RPS6KA3: variants seen among roughly 807,000 people sequenced by gnomAD.
The protein encoded by RPS6KA3 is ribosomal protein S6 kinase alpha-3.
In RPS6KA3, 4 loss-of-function variants were observed where a neutral mutation model predicts 67.2. The ratio of observed to expected loss-of-function variants is 0.06; its 90% CI spans 0.03 to 0.14. RPS6KA3 has a LOEUF of 0.14. Ranked by LOEUF, RPS6KA3 falls within the 10% of genes least tolerant of loss-of-function variation. The pLI is 1.00. For synonymous variants in RPS6KA3, 182 were observed against 183.7 expected, an observed-to-expected ratio of 0.99 and a Z score of 0.07; for missense variants, 204 against 559.0, an observed-to-expected ratio of 0.36 and a Z score of 6.40.
chrX:20,156,343 T>C, intron 20 of RPS6KA3, 94 bp from the exon 21 acceptor site: 1 of 919,353 alleles, frequency 1.1e-6, no homozygotes, highest in Non-Finnish European at 1.6e-6. Context: ...TTAGCTTCTG[T>C]GATACTGCTT....
intron 2 of RPS6KA3, among the ~76,000 whole-genome samples, chrX:20,216,869 G>A (rs1019426805): frequency 8.9e-6 from 1 of 111,793 alleles, no homozygotes; most frequent in Non-Finnish European, 1.9e-5. Context: ...CAGTGAAAAT[G>A]TTTCTGATCT....
chrX:20,266,747 GGCAGCGGCA>G lies in RPS6KA3; in HGVS notation c.-124_-116del. ...CAGCGGCGGCGGCGGCGGCGGCGGCGGCAGCGGCAGCGGCAGCGGCAGCAGCAGCAGCAG... is the reference window on the plus strand; with the variant it reads ...CAGCGGCGGCGGCGGCGGCGGCGGCGGCGGCAGCGGCAGCAGCAGCAGCAG... On this transcript the variant is annotated 5_prime_UTR_variant, in exon 1 of 22. Transcript: ENST00000379565. 4.8e-5 allele frequency: 1 copy of G among 20,669 alleles called. No homozygotes were observed. Among genetic ancestry groups the G allele is most frequent in the Non-Finnish European group, 5.5e-5 (1 of 18,141 alleles). 1.7% of individuals were successfully genotyped at this position (20,669 alleles called of 1,213,427 possible).
At chrX:20,186,422 C>T in intron 9 of RPS6KA3, 56 bp from the exon 10 acceptor site, 2 of 710,951 alleles carry the variant, frequency 2.8e-6, no homozygotes, top group Non-Finnish European at 4.4e-6. Flanking sequence ...AATCTGAAGG[C>T]CAGAAGGTAA....
rs745967937 is a variant in RPS6KA3 at position 20,251,452 on chromosome X, CG to C, written c.69+15111del. On this transcript the variant is annotated intron_variant, in intron 1 of 21. Coordinates refer to ENST00000379565, the MANE Select transcript of RPS6KA3 (RefSeq NM_004586.3). ...CCCCTCAAAGTGCTGGGATTACAGGCGTAAGTCTCCCAAAGTGCTGGGATTA... is the reference window on the plus strand; with the variant it reads ...CCCCTCAAAGTGCTGGGATTACAGGCTAAGTCTCCCAAAGTGCTGGGATTA... Among the ~76,000 whole-genome samples, 110 of 112,878 alleles carry C rather than the reference CG, an allele frequency of 9.7e-4. 1 individual carries two copies. The highest frequency in any genetic ancestry group is 4.6e-3 in the Middle Eastern group (1 of 219).
At chrX:20,211,092 A>T (rs886677949) in intron 2 of RPS6KA3, among the ~76,000 whole-genome samples, 1 of 111,073 alleles carries the variant, frequency 9.0e-6, no homozygotes, top group South Asian at 3.8e-4. Context: ...AGCACCTACT[A>T]CATATCAACC....
At chrX:20,263,277 T>C (rs767625206) in intron 1 of RPS6KA3, among the ~76,000 whole-genome samples, 4 of 112,083 alleles carry the variant, frequency 3.6e-5, no homozygotes, top group South Asian at 7.3e-4. Flanking sequence ...CTAAATGCTG[T>C]CTCTGACAGC....
intron 18 of RPS6KA3, among the ~76,000 whole-genome samples, chrX:20,164,386 GTTTTTTT>G (rs397977193): frequency 1.2e-5 from 1 of 84,637 alleles, no homozygotes; most frequent in Non-Finnish European, 2.4e-5. Flanking sequence ...CTGAAGGGTT[GTTTTTTT>G]TTTTTTTTTT....
At chrX:20,169,869 C>A (rs913832177) in intron 15 of RPS6KA3, among the ~76,000 whole-genome samples, 10 of 111,055 alleles carry the variant, frequency 9.0e-5, no homozygotes, top group African/African-American at 3.4e-4. Context: ...CAACTTCTAA[C>A]CCCCCATCAA....
At chrX:20,266,469 C>G (rs757650348) in intron 1 of RPS6KA3, 95 bp downstream of exon 1, 2 of 726,475 alleles carry the variant, frequency 2.8e-6, no homozygotes, top group African/African-American at 4.3e-5. Context: ...CGAGCGGGAT[C>G]AGAACGGGCC....
chrX:20,157,232 T>C (rs2067207089), intron 20 of RPS6KA3, among the ~76,000 whole-genome samples: 1 of 112,322 alleles, frequency 8.9e-6, no homozygotes, highest in South Asian at 3.6e-4. Flanking sequence ...TCAAAATACA[T>C]TTGTTAAGTA....
intron 2 of RPS6KA3, among the ~76,000 whole-genome samples, chrX:20,228,541 C>G (rs2069179605): frequency 9.0e-6 from 1 of 111,286 alleles, no homozygotes; most frequent in South Asian, 3.8e-4. Flanking sequence ...AAGTATACAG[C>G]TTCTCTGGTT....
intron 16 of RPS6KA3, among the ~76,000 whole-genome samples, chrX:20,168,172 T>C (rs756106457): frequency 1.8e-5 from 2 of 112,088 alleles, no homozygotes; most frequent in African/African-American, 6.5e-5. Context: ...GTTCACACTG[T>C]TTGCCAACAC....
chrX:20,235,962 T>A (rs1187737988), intron 1 of RPS6KA3, among the ~76,000 whole-genome samples: 1 of 111,835 alleles, frequency 8.9e-6, no homozygotes, highest in Non-Finnish European at 1.9e-5. Context: ...TACATCCTTA[T>A]AATGGAATAC....
chrX:20,234,667 G>T (rs1046233252), intron 2 of RPS6KA3, 91 bp downstream of exon 2: 2 of 668,001 alleles, frequency 3.0e-6, no homozygotes, highest in Non-Finnish European at 2.4e-6. Flanking sequence ...TTCTAACACT[G>T]TAAAATGATT....
chrX:20,204,894 C>T (rs2068536796), intron 3 of RPS6KA3, among the ~76,000 whole-genome samples: 1 of 111,198 alleles, frequency 9.0e-6, no homozygotes, highest in Non-Finnish European at 1.9e-5. Context: ...GAGCCAGACT[C>T]CGTTTCAAAA....
chrX:20,161,651 G>A lies in RPS6KA3; in HGVS notation c.1952C>T (p.Thr651Ile), dbSNP rs2067306564. 2 of 1,095,599 alleles carry A rather than the reference G, an allele frequency of 1.8e-6. No individual in the cohort carries two copies. Among genetic ancestry groups the A allele is most frequent in the Admixed American group, 2.2e-5 (1 of 44,585 alleles). 90.3% of individuals were successfully genotyped at this position (1,095,599 alleles called of 1,213,427 possible). A position where few individuals can be genotyped will look rare whatever the true frequency, so the allele number is the denominator to read the frequency against. Reference protein sequence around the residue: ...SGGYWNSVSDTAKDLVSKMLH... With the variant: ...SGGYWNSVSDIAKDLVSKMLH... ...ATAGGAAGTGATACTTACCTTTGCT[G>A]TGTCTGAAACAGAATTCCAGTAACC... Residue 651 changes from threonine to isoleucine, a missense_variant, in exon 20 of 22, where the codon ACA becomes ATA. Thr to Ile is a moderately conservative substitution (Grantham distance 89, BLOSUM62 -1). Around this residue, in one of 4 missense-constraint regions of RPS6KA3, gnomAD observed 73 missense variants for 241.1 expected, o/e 0.30. Transcript: ENST00000379565.
At chrX:20,203,971 C>T in intron 4 of RPS6KA3, 51 bp downstream of exon 4, 2 of 939,915 alleles carry the variant, frequency 2.1e-6, no homozygotes, top group Non-Finnish European at 3.1e-6. Flanking sequence ...CTATTGAGAC[C>T]TTTCAGTTTG....
intron 1 of RPS6KA3, among the ~76,000 whole-genome samples, chrX:20,246,869 C>G (rs1295699649): frequency 1.8e-5 from 2 of 111,700 alleles, no homozygotes; most frequent in African/African-American, 6.5e-5. Flanking sequence ...TAACACAATT[C>G]TTGTTTGTGT....
At chrX:20,171,547 T>C (rs1203441642) in intron 15 of RPS6KA3, among the ~76,000 whole-genome samples, 1 of 111,921 alleles carries the variant, frequency 8.9e-6, no homozygotes, top group Non-Finnish European at 1.9e-5. Flanking sequence ...AGATCTATAC[T>C]TGTGCTTGTG....
Sources: gnomAD v4.1 joint callset for allele counts (sites outside exome capture counted in the v4.1 genomes callset) on GRCh38, gnomAD v4.1.1 for gene constraint, gnomAD v4.1.1 regional missense constraint, MANE v1.5 for transcripts, NCBI Gene and HGNC (gene_info 2026-07-23, HGNC 2026-07-21) for gene names.